The following TMPRSS12 variants were observed in gnomAD, a reference collection of about 807,000 sequenced individuals.
TMPRSS12 encodes the protein transmembrane serine protease 12, also known as transmembrane protease serine 12.
A neutral mutation model predicts 26.0 loss-of-function variants in TMPRSS12; 25 were observed. The ratio of observed to expected loss-of-function variants is 0.96; its 90% CI spans 0.70 to 1.34. TMPRSS12 has a LOEUF of 1.34. Among genes scored for constraint, TMPRSS12 ranks in the 40% most tolerant of loss-of-function variants. The pLI is 0.00. For synonymous variants in TMPRSS12, 150 were observed against 161.7 expected (o/e 0.93, Z 0.55); for missense variants, 441 against 440.1 (o/e 1.00, Z -0.02).
At chr12:50,877,751 A>AGGCATGCGCC (rs1938126004) in intron 3 of TMPRSS12, among the ~76,000 whole-genome samples, 1 of 152,184 alleles carries the variant, frequency 6.6e-6, no homozygotes, top group South Asian at 2.1e-4. Context: ...CTGGGATTAC[A>AGGCATGCGCC]GGCATGCGCC....
At chr12:50,855,207 C>T (rs987498442) in intron 2 of TMPRSS12, among the ~76,000 whole-genome samples, 4 of 152,058 alleles carry the variant, frequency 2.6e-5, no homozygotes, top group African/African-American at 9.7e-5. Flanking sequence ...GCAACAAAAA[C>T]AAAAATTGAC....
rs1565939202 is a variant in TMPRSS12, at chr12:50,887,250, C to T, written c.796-12C>T. ...AGAAGTAACAAACACTATTTTGGGA[C>T]TTTTTTGACAGGGTGACAGTGGGGG... On this transcript the variant is annotated splice_polypyrimidine_tract_variant and intron_variant, in intron 4 of 4. Transcript: ENST00000398458. 1 of 1,610,000 alleles carries T rather than the reference C, an allele frequency of 6.2e-7. No homozygotes were observed. The highest frequency in any genetic ancestry group is 1.7e-5 in the Admixed American group (1 of 59,302).
At chr12:50,871,060 TACC>T (rs1252382376) in intron 3 of TMPRSS12, among the ~76,000 whole-genome samples, 1 of 152,024 alleles carries the variant, frequency 6.6e-6, no homozygotes, top group East Asian at 1.9e-4. Flanking sequence ...CCCATCAAAA[TACC>T]ACCATCATTC....
In TMPRSS12 at chr12:50,872,732, GTACATATATATACGTCTATATA is replaced by G. The variant is rs1565935863; in HGVS notation, c.653-12512_653-12491del. On this transcript the variant is annotated intron_variant, in intron 3 of 4. Transcript: ENST00000398458. ...GTGTACATATATATGACGTATATAT[GTACATATATATACGTCTATATA>G]TGTACATATATATGACGTATATATG... Among the ~76,000 whole-genome samples, 335 of 111,572 alleles carry G rather than the reference GTACATATATATACGTCTATATA, an allele frequency of 3.0e-3. 5 individuals are homozygous for G. The highest frequency in any genetic ancestry group is 3.7e-3 in the Non-Finnish European group (204 of 55,060). 73.2% of individuals were successfully genotyped at this position (111,572 alleles called of 152,430 possible).
intron 2 of TMPRSS12, 91 bp downstream of exon 2, chr12:50,844,128 C>A (rs1937745767): frequency 8.2e-7 from 1 of 1,219,520 alleles, no homozygotes; most frequent in Non-Finnish European, 1.1e-6. Context: ...TTCAGCTAAG[C>A]TATGTTTGCA....
chr12:50,872,110 G>A (rs1209439287), intron 3 of TMPRSS12, among the ~76,000 whole-genome samples: 2 of 152,124 alleles, frequency 1.3e-5, no homozygotes, highest in African/African-American at 2.4e-5. Flanking sequence ...CAGAAGAAAA[G>A]AAGTCATTAT....
intron 3 of TMPRSS12, among the ~76,000 whole-genome samples, chr12:50,875,663 A>G (rs1317453587): frequency 6.6e-6 from 1 of 152,134 alleles, no homozygotes; most frequent in Non-Finnish European, 1.5e-5. Flanking sequence ...AGAACTCCCT[A>G]TTCAATAAAT....
At chr12:50,885,436 G>T (rs781217990) in intron 4 of TMPRSS12, 48 bp downstream of exon 4, 4 of 1,609,934 alleles carry the variant, frequency 2.5e-6, no homozygotes, top group Non-Finnish European at 3.4e-6. Context: ...AGCCAGAAGG[G>T]AACTTGTCAA....
At position 50,843,904 on chromosome 12, in the gene TMPRSS12, G is replaced by A; in HGVS notation, c.250G>A (p.Ala84Thr). ...GTCTCGGATTATAGGGGGCACCGAAGCACAAGCTGGCGCATGGCCGTGGGT... is the reference window on the plus strand; with the variant it reads ...GTCTCGGATTATAGGGGGCACCGAAACACAAGCTGGCGCATGGCCGTGGGT... ...QGSRIIGGTE[A>T]QAGAWPWVVS... Residue 84 changes from alanine (A) to threonine (T), a missense_variant, in exon 2 of 5, where the codon GCA becomes ACA. Transcript: ENST00000398458. 1 of 1,578,092 alleles carries A rather than the reference G, an allele frequency of 6.3e-7. No individual in the cohort carries two copies. The highest frequency in any genetic ancestry group is 8.6e-7 in the Non-Finnish European group (1 of 1,161,456).
rs747859379 is a variant in TMPRSS12 at position 50,872,909 on chromosome 12, CTA to C, written c.653-12331_653-12330del. On this transcript the variant is annotated intron_variant, in intron 3 of 4. Coordinates refer to ENST00000398458, the MANE Select transcript of TMPRSS12 (RefSeq NM_182559.3). ...GACGTATATATGTACATATATATGA[CTA>C]TATATGTACATATATGATGTATATA... is the stretch of plus-strand genomic sequence containing the variant. Among the ~76,000 whole-genome samples, 9 of 58,498 alleles carry C rather than the reference CTA, an allele frequency of 1.5e-4. 2 individuals are homozygous for C. The highest frequency in any genetic ancestry group is 8.0e-4 in the Admixed American group (5 of 6,236). The allele number at this position is 58,498 out of a possible 152,430, so 38.4% of individuals were successfully genotyped here. A position where few individuals can be genotyped will look rare whatever the true frequency, so the allele number is the denominator to read the frequency against.
chr12:50,858,692 T>C, intron 2 of TMPRSS12, 93 bp from the exon 3 acceptor site: 1 of 1,004,280 alleles, frequency 1.0e-6, no homozygotes, highest in Non-Finnish European at 1.3e-6. Flanking sequence ...AGTTTTTTAT[T>C]AATCTAACAT....
chr12:50,849,245 G>A (rs1937801838), intron 2 of TMPRSS12, among the ~76,000 whole-genome samples: 1 of 152,148 alleles, frequency 6.6e-6, no homozygotes, highest in Non-Finnish European at 1.5e-5. Flanking sequence ...ATATGTTGTA[G>A]TCCAGCAGCC....
In TMPRSS12 at chr12:50,887,175, T is replaced by C; in HGVS notation, c.796-87T>C. The stretch of plus-strand genomic sequence containing the variant: ...GAAAATGTGTATTTATATAAATGTA[T>C]GTTTGATGTAAATAATTTATTCCAG... On this transcript the variant is annotated intron_variant, in intron 4 of 4. Coordinates refer to ENST00000398458, the MANE Select transcript of TMPRSS12 (RefSeq NM_182559.3). 2.3e-6 allele frequency: 3 copies of C among 1,299,216 alleles called. 1 individual carries two copies. Among genetic ancestry groups the C allele is most frequent in the Non-Finnish European group, 3.1e-6 (3 of 957,542 alleles). The allele number at this position is 1,299,216 out of a possible 1,614,324, so 80.5% of individuals were successfully genotyped here.
At chr12:50,885,817 G>A (rs1044193682) in intron 4 of TMPRSS12, 8 of 301,806 alleles carry the variant, frequency 2.7e-5, no homozygotes, top group Admixed American at 1.0e-4. Context: ...CACTATGCCC[G>A]GCCATTCTTT....
At chr12:50,851,383 A>G (rs1937824843) in intron 2 of TMPRSS12, among the ~76,000 whole-genome samples, 1 of 152,206 alleles carries the variant, frequency 6.6e-6, no homozygotes. Flanking sequence ...TATAGAGTTA[A>G]AAAAAGAACT....
chr12:50,867,407 C>T (rs1424429312), intron 3 of TMPRSS12, among the ~76,000 whole-genome samples: 1 of 152,080 alleles, frequency 6.6e-6, no homozygotes. Flanking sequence ...TTTGAATTAA[C>T]CCAATCCAAC....
At chr12:50,884,878 T>TTAAA (rs1555207024) in intron 3 of TMPRSS12, among the ~76,000 whole-genome samples, 1 of 133,414 alleles carries the variant, frequency 7.5e-6, no homozygotes, top group African/African-American at 2.8e-5. Context: ...TCTCAAAAAT[T>TTAAA]AAAAAAAAAA....
intron 3 of TMPRSS12, among the ~76,000 whole-genome samples, chr12:50,870,074 C>T (rs990777591): frequency 1.3e-5 from 2 of 151,382 alleles, no homozygotes; most frequent in East Asian, 1.9e-4. Context: ...CAGAGGGAGA[C>T]TCCCAGCTAC....
At chr12:50,872,369 CG>C (rs1208531652) in intron 3 of TMPRSS12, among the ~76,000 whole-genome samples, 1 of 149,306 alleles carries the variant, frequency 6.7e-6, no homozygotes, top group East Asian at 2.0e-4. Flanking sequence ...AAAAATTAGC[CG>C]GGCGCGGTGG....
Sources: gnomAD v4.1 joint callset for allele counts (sites outside exome capture counted in the v4.1 genomes callset) on GRCh38, gnomAD v4.1.1 for gene constraint, MANE v1.5 for transcripts, NCBI Gene and HGNC (gene_info 2026-07-23, HGNC 2026-07-21) for gene names.